AFF4: variants seen among roughly 807,000 people sequenced by gnomAD.
The protein encoded by AFF4 is AF4/FMR2 family member 4.
A neutral mutation model predicts 124.8 loss-of-function variants in AFF4; 13 were observed. That is an observed-to-expected ratio of 0.10 (90% CI 0.07 to 0.17). AFF4 has a LOEUF of 0.17. Ranked by LOEUF, AFF4 falls within the 10% of genes least tolerant of loss-of-function variation. The probability of loss-of-function intolerance (pLI) is 1.00; values close to 1 mark genes in which losing one functional copy is unlikely to be tolerated. For missense variants in AFF4, 1,092 were observed against 1,403.8 expected, an observed-to-expected ratio of 0.78 and a Z score of 3.55; for synonymous variants, 477 against 496.1, an observed-to-expected ratio of 0.96 and a Z score of 0.51.
chr5:132,917,085 A>G (rs138674105), intron 5 of AFF4, among the ~76,000 whole-genome samples: 22,458 of 151,650 alleles, frequency 0.15, 1,882 homozygotes, highest in Middle Eastern at 0.2. Context: ...GCGCCCAGCT[A>G]ATTTTGTATT....
intron 1 of AFF4, among the ~76,000 whole-genome samples, chr5:132,939,766 A>G (rs1331910593): frequency 6.6e-6 from 1 of 152,024 alleles, no homozygotes; most frequent in Non-Finnish European, 1.5e-5. Flanking sequence ...ACCTGCCACC[A>G]CGCCCGGCTA....
Position 132,896,459 on chromosome 5 carries a change from G to A in AFF4, c.2171C>T (p.Thr724Ile). The stretch of plus-strand genomic sequence containing the variant: ...TTTGTAAGGCTTTCCTGGTATTCTA[G>A]TCAAAAGATTCAGGTCAATCTTCAC... ...LIVKIDLNLL[T>I]RIPGKPYKET... The change falls in exon 11 of 21, where the codon ACT (threonine) becomes ATT (isoleucine). Residue 724 changes from threonine to isoleucine, a missense_variant. Around this residue, in one of 11 missense-constraint regions of AFF4, gnomAD observed 293 missense variants for 280.2 expected, o/e 1.05. Coordinates refer to ENST00000265343, the MANE Select transcript of AFF4 (RefSeq NM_014423.4). The A allele has an allele frequency of 6.2e-7, 1 of 1,614,156 alleles. No homozygotes were observed. The highest frequency in any genetic ancestry group is 8.5e-7 in the Non-Finnish European group (1 of 1,180,030).
chr5:132,880,224 C>T lies in AFF4; in HGVS notation c.*835G>A, dbSNP rs1246828963. 2.5e-5 allele frequency: 10 copies of T among 398,796 alleles called. No homozygotes were observed. The highest frequency in any genetic ancestry group is 1.8e-4 in the Admixed American group (4 of 22,716). 24.7% of individuals were successfully genotyped at this position (398,796 alleles called of 1,614,324 possible). ...AATAACATATGGTTTTAATAAAATC[C>T]GTAACGTTCAGGATTGTCCTTTTAT... On this transcript the variant is annotated 3_prime_UTR_variant, in exon 21 of 21. Coordinates refer to ENST00000265343, the MANE Select transcript of AFF4 (RefSeq NM_014423.4).
intron 7 of AFF4, chr5:132,901,092 A>T: frequency 1.0e-6 from 1 of 985,454 alleles, no homozygotes. Context: ...GTTTTCTTTC[A>T]GACAGGGGCT....
At chr5:132,912,190 A>C (rs944820877) in intron 5 of AFF4, among the ~76,000 whole-genome samples, 1 of 151,376 alleles carries the variant, frequency 6.6e-6, no homozygotes, top group African/African-American at 2.4e-5. Context: ...AAAAAAAAAA[A>C]AACATTTAGC....
chr5:132,919,086 C>T (rs1302879635), intron 5 of AFF4, among the ~76,000 whole-genome samples: 1 of 152,040 alleles, frequency 6.6e-6, no homozygotes. Flanking sequence ...CGGGGTTTCA[C>T]CATGTTGGCC....
chr5:132,881,750 G>T (rs1454180761), intron 20 of AFF4, among the ~76,000 whole-genome samples: 1 of 151,594 alleles, frequency 6.6e-6, no homozygotes, highest in Non-Finnish European at 1.5e-5. Context: ...GCAGTGGCGC[G>T]ATCTCGGTTC....
chr5:132,951,264 C>T (rs924515063), intron 1 of AFF4, among the ~76,000 whole-genome samples: 8 of 152,084 alleles, frequency 5.3e-5, no homozygotes, highest in African/African-American at 1.9e-4. Flanking sequence ...CATCTCTCTC[C>T]AGCCAAGCTT....
intron 14 of AFF4, among the ~76,000 whole-genome samples, chr5:132,888,809 T>C (rs1046163872): frequency 5.3e-5 from 8 of 152,092 alleles, no homozygotes; most frequent in East Asian, 1.9e-4. Flanking sequence ...GCAGTTCTCC[T>C]GCCTCAGCCT....
At chr5:132,899,555 A>T in intron 8 of AFF4, 32 bp downstream of exon 8, 1 of 1,575,312 alleles carries the variant, frequency 6.3e-7, no homozygotes, top group South Asian at 1.2e-5. Flanking sequence ...ATACTATATG[A>T]GACTGGCAAA....
Position 132,897,024 on chromosome 5 carries a change from T to C in AFF4, c.1606A>G (p.Ile536Val). ...CGCCCACTTTCTGATCCCTTTTGGATGGTTTTGGAGTCTCGTCCCGGAGTA... is the reference window on the plus strand; with the variant it reads ...CGCCCACTTTCTGATCCCTTTTGGACGGTTTTGGAGTCTCGTCCCGGAGTA... ...SATPGRDSKT[I>V]QKGSESGRGR... is the part of the protein sequence containing the mutation. The change falls in exon 11 of 21, where the codon ATC (isoleucine) becomes GTC (valine). Residue 536 changes from isoleucine to valine, a missense_variant. Physicochemically the swap from Ile to Val is conservative, Grantham distance 29. Transcript: ENST00000265343. 2 of 1,614,198 alleles carry C rather than the reference T, an allele frequency of 1.2e-6. No homozygotes were observed. The highest frequency in any genetic ancestry group is 2.2e-5 in the South Asian group (2 of 91,078).
At chr5:132,924,801 G>A (rs549133450) in intron 5 of AFF4, among the ~76,000 whole-genome samples, 1 of 152,204 alleles carries the variant, frequency 6.6e-6, no homozygotes, top group African/African-American at 2.4e-5. Context: ...GTTGCAGTGA[G>A]TCGAGATCGC....
At chr5:132,940,124 T>A (rs1352757986) in intron 1 of AFF4, among the ~76,000 whole-genome samples, 2 of 149,518 alleles carry the variant, frequency 1.3e-5, no homozygotes, top group African/African-American at 2.5e-5. Flanking sequence ...TGCATGAACC[T>A]GGGAGGCGGA....
chr5:132,884,699 T>C (rs763114002), intron 19 of AFF4, among the ~76,000 whole-genome samples: 2 of 152,184 alleles, frequency 1.3e-5, no homozygotes, highest in Non-Finnish European at 1.5e-5. Flanking sequence ...GGGATGAAAG[T>C]GACGTGGAGA....
intron 13 of AFF4, among the ~76,000 whole-genome samples, chr5:132,890,224 A>C (rs1052157275): frequency 6.6e-6 from 1 of 151,958 alleles, no homozygotes; most frequent in South Asian, 2.1e-4. Flanking sequence ...GGCTTTCTGA[A>C]TATTATGTTG....
chr5:132,886,754 G>C (rs1216986068), intron 17 of AFF4, among the ~76,000 whole-genome samples: 1 of 152,128 alleles, frequency 6.6e-6, no homozygotes, highest in African/African-American at 2.4e-5. Context: ...CTAGGAAACT[G>C]AACTGCAAAT....
At chr5:132,925,278 G>A (rs921625092) in intron 5 of AFF4, among the ~76,000 whole-genome samples, 1 of 151,714 alleles carries the variant, frequency 6.6e-6, no homozygotes, top group Non-Finnish European at 1.5e-5. Context: ...CATATAGACA[G>A]AAAATTTTTA....
intron 1 of AFF4, among the ~76,000 whole-genome samples, chr5:132,960,046 C>A (rs1393366112): frequency 6.6e-6 from 1 of 152,094 alleles, no homozygotes; most frequent in Non-Finnish European, 1.5e-5. Flanking sequence ...TAAGCCACTG[C>A]GCCTGGCCAG....
rs1473426498 is a variant in AFF4, at chr5:132,880,967, A to T, written c.*92T>A. ...GAGGAGAAAACTATTCCTCATTCTTAGTGTCGACTAGGTGGTATGTTATGG... is the reference window on the plus strand; with the variant it reads ...GAGGAGAAAACTATTCCTCATTCTTTGTGTCGACTAGGTGGTATGTTATGG... On this transcript the variant is annotated 3_prime_UTR_variant, in exon 21 of 21. Coordinates refer to ENST00000265343, the MANE Select transcript of AFF4 (RefSeq NM_014423.4). 8.3e-6 allele frequency: 12 copies of T among 1,440,796 alleles called. No individual in the cohort carries two copies. Among genetic ancestry groups the T allele is most frequent in the South Asian group, 1.4e-5 (1 of 71,654 alleles). The allele number at this position is 1,440,796 out of a possible 1,614,324, so 89.3% of individuals were successfully genotyped here. A position where few individuals can be genotyped will look rare whatever the true frequency, so the allele number is the denominator to read the frequency against.
Sources: allele counts gnomAD v4.1 joint callset (sites outside exome capture counted in the v4.1 genomes callset), GRCh38; gene constraint gnomAD v4.1.1; regional missense constraint gnomAD v4.1.1; transcripts MANE v1.5; gene names NCBI Gene and HGNC (gene_info 2026-07-23, HGNC 2026-07-21).